C1QTNF7: variants seen among roughly 807,000 people sequenced by gnomAD.
C1QTNF7 encodes complement C1q tumor necrosis factor-related protein 7.
A neutral mutation model predicts 19.6 loss-of-function variants in C1QTNF7; 15 were observed. The observed-to-expected ratio is 0.76, with a 90% CI of 0.51 to 1.18. The LOEUF is 1.18. Among genes scored for constraint, C1QTNF7 ranks in the 50% most tolerant of loss-of-function variants. The pLI, the probability that C1QTNF7 is intolerant of heterozygous loss-of-function variation, is 0.00. For missense variants in C1QTNF7, 324 were observed against 359.7 expected (o/e 0.90, Z 0.80); for synonymous variants, 142 against 137.5 (o/e 1.03, Z -0.23).
intron 1 of C1QTNF7, among the ~76,000 whole-genome samples, chr4:15,370,175 T>C (rs1401905326): frequency 1.3e-5 from 2 of 152,174 alleles, no homozygotes; most frequent in Non-Finnish European, 1.5e-5. Flanking sequence ...AATTTTTTTG[T>C]AACCTCTTAT....
At chr4:15,400,105 A>G (rs1184350939) in intron 1 of C1QTNF7, among the ~76,000 whole-genome samples, 4 of 152,356 alleles carry the variant, frequency 2.6e-5, no homozygotes, top group Non-Finnish European at 5.9e-5. Flanking sequence ...GGGAAATGAC[A>G]CTGCAACTAA....
chr4:15,359,179 G>T (rs1471033810), intron 1 of C1QTNF7, among the ~76,000 whole-genome samples: 1 of 152,114 alleles, frequency 6.6e-6, no homozygotes, highest in Non-Finnish European at 1.5e-5. Context: ...GTAGGGCAAG[G>T]TCCAATGCCT....
chr4:15,359,711 G>A (rs1717270580), intron 1 of C1QTNF7, among the ~76,000 whole-genome samples: 1 of 152,136 alleles, frequency 6.6e-6, no homozygotes, highest in Non-Finnish European at 1.5e-5. Context: ...CTTAGAGGCT[G>A]TCAATCAAAA....
At chr4:15,387,246 A>C (rs1312260094) in intron 1 of C1QTNF7, among the ~76,000 whole-genome samples, 2 of 152,162 alleles carry the variant, frequency 1.3e-5, no homozygotes, top group Non-Finnish European at 2.9e-5. Flanking sequence ...GTTGAGAGAG[A>C]GCAAGAGAAG....
intron 1 of C1QTNF7, 150 bp from the exon 2 acceptor site, chr4:15,435,586 A>C (rs868554926): frequency 9.2e-7 from 1 of 1,090,194 alleles, no homozygotes; most frequent in Non-Finnish European, 1.3e-6. Flanking sequence ...GGAATTATGA[A>C]GGTAAACAGT....
intron 1 of C1QTNF7, among the ~76,000 whole-genome samples, chr4:15,350,342 G>C (rs752587317): frequency 1.9e-5 from 1 of 53,256 alleles, no homozygotes; most frequent in African/African-American, 1.2e-4. Flanking sequence ...AAAGGAGGGA[G>C]GGAGGGAGGG....
At chr4:15,426,309 C>T (rs1159819050), upstream of C1QTNF7, among the ~76,000 whole-genome samples, 1 of 152,184 alleles carries the variant, frequency 6.6e-6, no homozygotes, top group Non-Finnish European at 1.5e-5. Flanking sequence ...ACCACTGCTT[C>T]TAAGTGTGAA....
At chr4:15,390,501 G>T (rs13131702) in intron 1 of C1QTNF7, among the ~76,000 whole-genome samples, 34,800 of 152,048 alleles carry the variant, frequency 0.23, 4,452 homozygotes, top group East Asian at 0.29. Flanking sequence ...AGTTCCTTTT[G>T]TGAGCAGAGG....
chr4:15,364,037 G>T (rs1004976977), intron 1 of C1QTNF7, among the ~76,000 whole-genome samples: 2 of 152,038 alleles, frequency 1.3e-5, no homozygotes, highest in Non-Finnish European at 1.5e-5. Flanking sequence ...CTTTATATTC[G>T]CATTGTCTAA....
chr4:15,391,951 G>T (rs1364020883), intron 1 of C1QTNF7, among the ~76,000 whole-genome samples: 1 of 152,134 alleles, frequency 6.6e-6, no homozygotes, highest in Non-Finnish European at 1.5e-5. Flanking sequence ...ATACAGACAG[G>T]CAGTGAGAGA....
At chr4:15,346,786 T>C (rs1314095347) in intron 1 of C1QTNF7, among the ~76,000 whole-genome samples, 1 of 152,212 alleles carries the variant, frequency 6.6e-6, no homozygotes, top group African/African-American at 2.4e-5. Flanking sequence ...ATAAAGACCA[T>C]ATTCTTCAAC....
intron 1 of C1QTNF7, among the ~76,000 whole-genome samples, chr4:15,360,172 T>C (rs1717287161): frequency 6.6e-6 from 1 of 151,896 alleles, no homozygotes; most frequent in Non-Finnish European, 1.5e-5. Context: ...GCCAGGGCTT[T>C]GGGATTAGGT....
upstream of C1QTNF7, among the ~76,000 whole-genome samples, chr4:15,427,104 G>A (rs370447396): frequency 3.0e-4 from 46 of 152,084 alleles, no homozygotes; most frequent in African/African-American, 1.1e-3. Flanking sequence ...GGATCCCAAA[G>A]GCAAAATTAA....
intron 1 of C1QTNF7, among the ~76,000 whole-genome samples, chr4:15,352,803 G>C (rs1716983647): frequency 1.3e-5 from 2 of 152,144 alleles, no homozygotes; most frequent in Admixed American, 6.5e-5. Context: ...TGGACACGTA[G>C]TCCTTGCTGA....
At chr4:15,393,019 C>G (rs569349354) in intron 1 of C1QTNF7, among the ~76,000 whole-genome samples, 1 of 152,176 alleles carries the variant, frequency 6.6e-6, no homozygotes, top group Non-Finnish European at 1.5e-5. Flanking sequence ...AAAATTTCCA[C>G]GTGTTGTGGA....
At chr4:15,352,038 G>GT (rs1716958038) in intron 1 of C1QTNF7, among the ~76,000 whole-genome samples, 1 of 152,146 alleles carries the variant, frequency 6.6e-6, no homozygotes, top group African/African-American at 2.4e-5. Flanking sequence ...TAACTTGAAA[G>GT]TTTGCAATTT....
At chr4:15,428,805 T>C (rs1712172787) in intron 1 of C1QTNF7, among the ~76,000 whole-genome samples, 1 of 152,222 alleles carries the variant, frequency 6.6e-6, no homozygotes, top group African/African-American at 2.4e-5. Flanking sequence ...CTTGCTGTTG[T>C]GAAATCTCCA....
intron 1 of C1QTNF7, among the ~76,000 whole-genome samples, chr4:15,359,675 C>A (rs1261484980): frequency 6.6e-6 from 1 of 152,116 alleles, no homozygotes; most frequent in Non-Finnish European, 1.5e-5. Context: ...ACTACGAGAT[C>A]TTTAAAATTT....
At position 15,413,467 on chromosome 4, in the gene C1QTNF7, A is replaced by C. The variant is rs571688490; in HGVS notation, c.14-22269A>C. Among the ~76,000 whole-genome samples, 7 of 152,352 alleles carry C rather than the reference A, an allele frequency of 4.6e-5. No homozygotes were observed. In the South Asian group the frequency reaches 1.4e-3, roughly 32 times the overall value. ...GATGCTAAAAATTGGCAAACTCTCCAAAAAGATTTCTTAACAGCCAAAATA... is the reference window on the plus strand; with the variant it reads ...GATGCTAAAAATTGGCAAACTCTCCCAAAAGATTTCTTAACAGCCAAAATA... On this transcript the variant is annotated intron_variant, in intron 1 of 2. Coordinates refer to the C1QTNF7 transcript ENST00000295297.
Sources: allele counts gnomAD v4.1 joint callset (sites outside exome capture counted in the v4.1 genomes callset), GRCh38; gene constraint gnomAD v4.1.1; transcripts MANE v1.5; gene names NCBI Gene and HGNC (gene_info 2026-07-23, HGNC 2026-07-21).